Variants in FKBP9 observed in about 807,000 individuals in gnomAD.
FKBP9 encodes FKBP prolyl isomerase 9.
A neutral mutation model predicts 55.6 loss-of-function variants in FKBP9; 27 were observed. The observed-to-expected ratio is 0.49, with a 90% CI of 0.36 to 0.67. The LOEUF (loss-of-function observed/expected upper bound fraction) is 0.67, where lower values mean the gene tolerates loss of function less well. Ranked by LOEUF, FKBP9 falls within the 30% of genes least tolerant of loss-of-function variation. FKBP9 has a pLI of 0.00. For synonymous variants in FKBP9, 267 were observed against 296.5 expected (o/e 0.90, Z 1.02); for missense variants, 539 against 742.8 (o/e 0.73, Z 3.19).
At chr7:32,973,054 T>G (rs1366004146) in intron 1 of FKBP9, among the ~76,000 whole-genome samples, 1 of 152,168 alleles carries the variant, frequency 6.6e-6, no homozygotes, top group East Asian at 1.9e-4. Flanking sequence ...ATTGTATATA[T>G]CCCTCCGCGT....
Position 32,987,024 on chromosome 7 carries a change from C to A in FKBP9, c.894-1483C>A, listed in dbSNP as rs146087119. Among the ~76,000 whole-genome samples the A allele has an allele frequency of 0.012, 1,841 of 152,304 alleles. 127 individuals carry two copies. The East Asian group carries it at 0.2, about 16-fold the overall frequency. On this transcript the variant is annotated intron_variant, in intron 5 of 9. Coordinates refer to ENST00000242209, the MANE Select transcript of FKBP9 (RefSeq NM_007270.5). ...ATAGAATCACTCAGTAGTTTACACA[C>A]AGGCTGGATCTCTCCACTGAGTGGA...
In FKBP9 at chr7:32,965,884, T is replaced by TATAGAG. The variant is rs1554284369; in HGVS notation, c.221+8091_221+8092insTAGAGA. Among the ~76,000 whole-genome samples the TATAGAG allele has an allele frequency of 6.1e-3, 674 of 110,380 alleles. 31 individuals carry two copies. Among genetic ancestry groups the TATAGAG allele is most frequent in the African/African-American group, 0.024 (642 of 26,474 alleles). 72.4% of individuals were successfully genotyped at this position (110,380 alleles called of 152,430 possible). On this transcript the variant is annotated intron_variant, in intron 1 of 9. Transcript: ENST00000242209. ...ATATATATACATACATATATATATA[T>TATAGAG]AGAGAGAGAGAGAGAGAGCCATGGG...
At chr7:32,958,998 T>G (rs994667491) in intron 1 of FKBP9, among the ~76,000 whole-genome samples, 1 of 152,156 alleles carries the variant, frequency 6.6e-6, no homozygotes. Context: ...TGTAGACTCT[T>G]GACTTTTTTG....
chr7:32,957,775 G>C lies in FKBP9; in HGVS notation c.202G>C (p.Gly68Arg), dbSNP rs776475704. 2.1e-6 allele frequency: 3 copies of C among 1,458,096 alleles called. No individual in the cohort carries two copies. The highest frequency in any genetic ancestry group is 1.8e-4 in the Middle Eastern group (1 of 5,544). 90.3% of individuals were successfully genotyped at this position (1,458,096 alleles called of 1,614,324 possible). ...RYHYVGTFPD[G>R]QKFDSSYDRD... ...CCACTACGTGGGGACGTTCCCCGAC[G>C]GCCAGAAGTTCGACTCCAGGTACCG... The change falls in exon 1 of 10, where the codon GGC (glycine) becomes CGC (arginine). Residue 68 changes from glycine to arginine, a missense_variant. Transcript: ENST00000242209.
chr7:32,997,135 TCTCGGCTCACTGCAAC>T (rs1172175200), intron 7 of FKBP9, among the ~76,000 whole-genome samples: 6 of 151,992 alleles, frequency 3.9e-5, no homozygotes, highest in African/African-American at 1.4e-4. Flanking sequence ...AGTGGTGCTA[TCTCGGCTCACTGCAAC>T]CTCTGCCTTC....
chr7:32,971,202 C>T (rs1386004571), intron 1 of FKBP9, among the ~76,000 whole-genome samples: 6 of 152,128 alleles, frequency 3.9e-5, no homozygotes, highest in African/African-American at 1.4e-4. Context: ...TGATGCTGCC[C>T]ATGAGTTTGT....
At chr7:33,003,677 T>C (rs1784974230) in intron 9 of FKBP9, among the ~76,000 whole-genome samples, 1 of 152,198 alleles carries the variant, frequency 6.6e-6, no homozygotes, top group Admixed American at 6.5e-5. Flanking sequence ...CTGATTCCCC[T>C]ACAGGACGCA....
chr7:32,975,868 G>A (rs963869522), intron 3 of FKBP9, among the ~76,000 whole-genome samples: 5 of 152,060 alleles, frequency 3.3e-5, no homozygotes, highest in African/African-American at 1.2e-4. Context: ...GGGTGTTCTC[G>A]ATCTCCTGAC....
intron 8 of FKBP9, chr7:33,002,088 AGTTTC>A (rs1784945284): frequency 6.6e-6 from 1 of 151,776 alleles, no homozygotes; most frequent in Non-Finnish European, 1.5e-5. Context: ...TTTAAACTCA[AGTTTC>A]ATGACACAAT....
chr7:32,981,829 G>A (rs1277741764), intron 5 of FKBP9, among the ~76,000 whole-genome samples: 65 of 150,414 alleles, frequency 4.3e-4, no homozygotes, highest in African/African-American at 1.4e-3. Flanking sequence ...CCCAGGAGGC[G>A]GAGGTTGCAG....
chr7:32,996,311 C>T lies in FKBP9; in HGVS notation c.1188C>T (p.Tyr396=). 4 of 1,613,958 alleles carry T rather than the reference C, an allele frequency of 2.5e-6. No individual in the cohort carries two copies. The highest frequency in any genetic ancestry group is 3.4e-6 in the Non-Finnish European group (4 of 1,179,842). The stretch of plus-strand genomic sequence containing the variant: ...AGGGAGATTACCTCAAATATCACTA[C>T]AATGCCTCACTTCTGGATGGGACCC... ...SKKGDYLKYH[Y]NASLLDGTLL... The change falls in exon 7 of 10, where the codon TAC becomes TAT. Residue 396 remains tyrosine, a synonymous_variant. Transcript: ENST00000242209.
intron 1 of FKBP9, among the ~76,000 whole-genome samples, chr7:32,972,169 C>G (rs1784265348): frequency 1.3e-5 from 2 of 152,044 alleles, no homozygotes; most frequent in African/African-American, 4.8e-5. Context: ...AAGTGTAATT[C>G]AAGAGCAGGC....
chr7:32,967,110 C>T (rs1457280887), intron 1 of FKBP9, among the ~76,000 whole-genome samples: 1 of 152,130 alleles, frequency 6.6e-6, no homozygotes, highest in East Asian at 1.9e-4. Context: ...CCTAGCTGCC[C>T]TCTCTGTCTC....
rs1325728477 is a variant in FKBP9, at chr7:32,984,108, T to G, written c.893+3555T>G. Among the ~76,000 whole-genome samples, 3 of 152,344 alleles carry G rather than the reference T, an allele frequency of 2.0e-5. No individual in the cohort carries two copies. In the Middle Eastern group the frequency reaches 0.01, roughly 518 times the overall value. ...CATTATGGTTCCTGTCTTTGGTGAC[T>G]TGTTACAAAGTCTGTCCTCTTCCTA... is the stretch of plus-strand genomic sequence containing the variant. On this transcript the variant is annotated intron_variant, in intron 5 of 9. Coordinates refer to ENST00000242209, the MANE Select transcript of FKBP9 (RefSeq NM_007270.5).
intron 7 of FKBP9, among the ~76,000 whole-genome samples, chr7:32,996,649 C>G (rs1464233763): frequency 3.6e-5 from 5 of 140,756 alleles, no homozygotes; most frequent in East Asian, 2.2e-4. Context: ...TTCCTTCCTT[C>G]CTTCCTTCCT....
chr7:32,985,821 C>A (rs967132069), intron 5 of FKBP9, among the ~76,000 whole-genome samples: 1 of 151,880 alleles, frequency 6.6e-6, no homozygotes, highest in Non-Finnish European at 1.5e-5. Context: ...GGTGAAACCC[C>A]GTCTCTACCA....
intron 9 of FKBP9, among the ~76,000 whole-genome samples, chr7:33,003,743 T>G (rs2127989726): frequency 6.6e-6 from 1 of 152,348 alleles, no homozygotes; most frequent in African/African-American, 2.4e-5. Flanking sequence ...ACCTCCCTGG[T>G]ACGTCCCTCT....
intron 4 of FKBP9, among the ~76,000 whole-genome samples, chr7:32,978,511 CCATG>C (rs1246880746): frequency 6.6e-6 from 1 of 152,120 alleles, no homozygotes; most frequent in African/African-American, 2.4e-5. Context: ...ACGTGTGCCA[CCATG>C]CTTGGCTAGT....
chr7:32,974,187 A>G (rs1487851159), intron 1 of FKBP9, among the ~76,000 whole-genome samples: 2 of 107,674 alleles, frequency 1.9e-5, no homozygotes, highest in Non-Finnish European at 3.5e-5. Context: ...GTATTTATTT[A>G]TTTAGTAGAG....
Sources: gnomAD v4.1 joint callset for allele counts (sites outside exome capture counted in the v4.1 genomes callset) on GRCh38, gnomAD v4.1.1 for gene constraint, MANE v1.5 for transcripts, NCBI Gene and HGNC (gene_info 2026-07-23, HGNC 2026-07-21) for gene names.